Variants in AGAP4 observed in about 807,000 individuals in gnomAD.
The protein encoded by AGAP4 is ArfGAP with GTPase domain, ankyrin repeat and PH domain 4, also known as arf-GAP with GTPase, ANK repeat and PH domain-containing protein 4.
A neutral mutation model predicts 60.7 loss-of-function variants in AGAP4; 13 were observed. The ratio of observed to expected loss-of-function variants is 0.21; its 90% CI spans 0.14 to 0.34. The LOEUF is 0.34. Ranked by LOEUF, AGAP4 falls within the 10% of genes least tolerant of loss-of-function variation. The pLI, the probability that AGAP4 is intolerant of heterozygous loss-of-function variation, is 1.00. For synonymous variants in AGAP4, 70 were observed against 339.0 expected, an observed-to-expected ratio of 0.21 and a Z score of 8.72; for missense variants, 169 against 884.0, an observed-to-expected ratio of 0.19 and a Z score of 10.26.
upstream of AGAP4, chr10:45,847,649 C>A: frequency 7.3e-7 from 1 of 1,366,646 alleles, no homozygotes; most frequent in Middle Eastern, 2.8e-4. Context: ...AGAGACACAA[C>A]AACTGCCTGA....
chr10:45,848,023 G>A, upstream of AGAP4: 2 of 985,556 alleles, frequency 2.0e-6, no homozygotes, highest in Non-Finnish European at 2.4e-6. Flanking sequence ...CAAAGCCTCA[G>A]TAGAGTGGGT....
intron 2 of AGAP4, among the ~76,000 whole-genome samples, chr10:45,844,666 A>T (rs1383355300): frequency 5.6e-4 from 25 of 45,032 alleles, no homozygotes; most frequent in Non-Finnish European, 6.4e-4. Context: ...TCCTTTATTT[A>T]AAAAAAAAAA....
chr10:45,832,327 G>A lies in AGAP4; in HGVS notation c.498-898C>T, dbSNP rs1392720355. On this transcript the variant is annotated intron_variant, in intron 5 of 7. Transcript: ENST00000616763. ...ACTCGTTTTACAGATCAGGGAAACA[G>A]ACCTTAAAACTGACTTGCCCAAGGT... is the stretch of plus-strand genomic sequence containing the variant. Among the ~76,000 whole-genome samples the A allele has an allele frequency of 8.0e-5, 12 of 149,116 alleles. 1 individual carries two copies. The highest frequency in any genetic ancestry group is 2.2e-4 in the South Asian group (1 of 4,620).
chr10:45,837,954 T>C (rs1409123296), intron 4 of AGAP4, among the ~76,000 whole-genome samples: 1 of 150,216 alleles, frequency 6.7e-6, no homozygotes, highest in Non-Finnish European at 1.5e-5. Flanking sequence ...TCACAGTCTA[T>C]ACATCTGACA....
chr10:45,851,021 AG>A (rs1420423502), upstream of AGAP4, among the ~76,000 whole-genome samples: 1 of 152,026 alleles, frequency 6.6e-6, no homozygotes, highest in African/African-American at 2.4e-5. Flanking sequence ...TTCATTTATT[AG>A]TTTCATGGAG....
chr10:45,830,410 G>T (rs2058712963), intron 6 of AGAP4, among the ~76,000 whole-genome samples: 1 of 130,650 alleles, frequency 7.7e-6, no homozygotes, highest in Non-Finnish European at 1.7e-5. Context: ...GACCTCAAGT[G>T]ATCCACCCAC....
intron 4 of AGAP4, among the ~76,000 whole-genome samples, chr10:45,838,094 T>C (rs1430003916): frequency 6.7e-6 from 1 of 150,032 alleles, no homozygotes; most frequent in African/African-American, 2.5e-5. Context: ...TATATATATA[T>C]ATGAGGAATA....
chr10:45,832,345 C>T lies in AGAP4; in HGVS notation c.498-916G>A, dbSNP rs1475505721. On this transcript the variant is annotated intron_variant, in intron 5 of 7. Coordinates refer to ENST00000616763, the MANE Select transcript of AGAP4 (RefSeq NM_001276343.3). The stretch of plus-strand genomic sequence containing the variant: ...GGAAACAGACCTTAAAACTGACTTG[C>T]CCAAGGTCCCACCAAATTGGAGCAG... Among the ~76,000 whole-genome samples, 232 of 149,580 alleles carry T rather than the reference C, an allele frequency of 1.6e-3. 7 individuals are homozygous for T. The highest frequency in any genetic ancestry group is 5.5e-3 in the African/African-American group (223 of 40,794).
At chr10:45,832,181 G>C (rs1329578555) in intron 5 of AGAP4, among the ~76,000 whole-genome samples, 1 of 142,212 alleles carries the variant, frequency 7.0e-6, no homozygotes, top group Non-Finnish European at 1.6e-5. Context: ...ACATTAGCAG[G>C]TAAGATGGAT....
Position 45,834,925 on chromosome 10 carries a change from C to G in AGAP4, c.397-809G>C, listed in dbSNP as rs1250429450. Among the ~76,000 whole-genome samples, 20 of 147,438 alleles carry G rather than the reference C, an allele frequency of 1.4e-4. 2 individuals are homozygous for G. The highest frequency in any genetic ancestry group is 4.8e-4 in the African/African-American group (18 of 37,784). On this transcript the variant is annotated intron_variant, in intron 4 of 7. Transcript: ENST00000616763. ...AGTAGCTGGGACTACAGGCGCCCAC[C>G]ACCGTGCCCGGCTAACTTTTTGTGT...
chr10:45,839,670 C>G lies in AGAP4; in HGVS notation c.396+1983G>C, dbSNP rs1468584187. Reference sequence around the variant, plus strand: ...GAGGTCTCCCAAATGAAAAGCTAGTCAGGCTTCTAAGGCCTCACACTGAGT... The same window carrying G: ...GAGGTCTCCCAAATGAAAAGCTAGTGAGGCTTCTAAGGCCTCACACTGAGT... On this transcript the variant is annotated intron_variant, in intron 4 of 7. Coordinates refer to ENST00000616763, the MANE Select transcript of AGAP4 (RefSeq NM_001276343.3). Among the ~76,000 whole-genome samples the G allele has an allele frequency of 1.7e-4, 19 of 113,888 alleles. 1 individual carries two copies. Among genetic ancestry groups the G allele is most frequent in the Middle Eastern group, 4.5e-3 (1 of 222 alleles). 74.7% of individuals were successfully genotyped at this position (113,888 alleles called of 152,430 possible).
At chr10:45,834,695 AAAAG>A (rs1554897572) in intron 4 of AGAP4, among the ~76,000 whole-genome samples, 1 of 125,812 alleles carries the variant, frequency 7.9e-6, no homozygotes, top group Non-Finnish European at 1.6e-5. Context: ...AAAAAAAAAA[AAAAG>A]AAAAGTTTAA....
chr10:45,841,799 A>T (rs2058923441), intron 3 of AGAP4, 112 bp from the exon 4 acceptor site: 5 of 1,186,792 alleles, frequency 4.2e-6, no homozygotes, highest in Non-Finnish European at 4.5e-6. Flanking sequence ...AAATTCCATT[A>T]AAAAAAAAAT....
In AGAP4 at chr10:45,826,549, T is replaced by C; in HGVS notation, c.1427A>G (p.Asn476Ser). ...GGTCTCACAGTCCACACAGTGGGCG[T>C]TCCCACGCATGTTTTGGATCGACTG... Reference protein sequence around the residue: ...ALQSIQNMRGNAHCVDCETQN... With the variant: ...ALQSIQNMRGSAHCVDCETQN... The change falls in exon 8 of 8, where the codon AAC becomes AGC. Residue 476 changes from asparagine to serine, a missense_variant. Coordinates refer to ENST00000616763, the MANE Select transcript of AGAP4 (RefSeq NM_001276343.3). The C allele has an allele frequency of 6.3e-7, 1 of 1,581,464 alleles. No homozygotes were observed. The highest frequency in any genetic ancestry group is 1.4e-5 in the African/African-American group (1 of 69,652).
Position 45,844,307 on chromosome 10 carries a change from A to G in AGAP4, c.361+19T>C. On this transcript the variant is annotated intron_variant, in intron 3 of 7. Coordinates refer to ENST00000616763, the MANE Select transcript of AGAP4 (RefSeq NM_001276343.3). ...AGCTTTTATTCTTTCTCTTGGTGGA[A>G]AAAACAATGTCGTCTCACCATCTGT... is the stretch of plus-strand genomic sequence containing the variant. 6.3e-7 allele frequency: 1 copy of G among 1,594,294 alleles called. No individual in the cohort carries two copies. Among genetic ancestry groups the G allele is most frequent in the South Asian group, 1.1e-5 (1 of 90,952 alleles).
chr10:45,841,516 A>T, intron 4 of AGAP4, 137 bp downstream of exon 4: 1 of 663,408 alleles, frequency 1.5e-6, no homozygotes, highest in East Asian at 3.0e-5. Context: ...ACTCAGGAAA[A>T]TAGAAGAGAT....
upstream of AGAP4, among the ~76,000 whole-genome samples, chr10:45,848,543 C>A (rs1357909843): frequency 6.6e-6 from 1 of 151,482 alleles, no homozygotes; most frequent in Non-Finnish European, 1.5e-5. Flanking sequence ...CCCTCAGAAA[C>A]AATCTCATGT....
chr10:45,833,994 T>A, intron 5 of AGAP4, 22 bp downstream of exon 5: 1 of 1,364,222 alleles, frequency 7.3e-7, no homozygotes, highest in Non-Finnish European at 1.0e-6. Flanking sequence ...AATCTGTCCC[T>A]CGGCAGCATA....
chr10:45,834,976 T>G (rs1335061773), intron 4 of AGAP4, among the ~76,000 whole-genome samples: 1 of 146,504 alleles, frequency 6.8e-6, no homozygotes, highest in Non-Finnish European at 1.5e-5. Context: ...GGTTTCACCG[T>G]GTTAGCCAGG....
Sources: allele counts gnomAD v4.1 joint callset (sites outside exome capture counted in the v4.1 genomes callset), GRCh38; gene constraint gnomAD v4.1.1; transcripts MANE v1.5; gene names NCBI Gene and HGNC (gene_info 2026-07-23, HGNC 2026-07-21).